ZNF679: variants seen among roughly 807,000 people sequenced by gnomAD.
ZNF679 encodes the protein zinc finger protein 679, also known as hypothetical protein MGC42415.
Under a neutral mutation model 13.4 loss-of-function variants are expected in ZNF679, and 10 were observed. The ratio of observed to expected loss-of-function variants is 0.75; its 90% CI spans 0.46 to 1.27. The LOEUF is 1.27. Ranked by LOEUF, ZNF679 falls within the 50% of genes most tolerant of loss-of-function variation. ZNF679 has a pLI of 0.00. For missense variants in ZNF679, 525 were observed against 477.8 expected (o/e 1.10, Z -0.92); for synonymous variants, 179 against 162.5 (o/e 1.10, Z -0.77).
At chr7:64,230,433 T>G (rs1787621227) in intron 1 of ZNF679, among the ~76,000 whole-genome samples, 1 of 150,050 alleles carries the variant, frequency 6.7e-6, no homozygotes, top group African/African-American at 2.5e-5. Context: ...CTGGGGAGGC[T>G]GAGGCAGGAG....
chr7:64,254,319 G>C (rs1431494913), intron 2 of ZNF679, among the ~76,000 whole-genome samples: 1 of 151,836 alleles, frequency 6.6e-6, no homozygotes, highest in African/African-American at 2.4e-5. Flanking sequence ...TTTTCTCCAT[G>C]TTGGCCAGGT....
intron 2 of ZNF679, among the ~76,000 whole-genome samples, chr7:64,252,836 G>A (rs1414527239): frequency 1.3e-5 from 2 of 152,188 alleles, no homozygotes; most frequent in Non-Finnish European, 2.9e-5. Context: ...TCTTGCCTCA[G>A]CCTCCCAGGT....
chr7:64,256,623 T>C (rs946667506), intron 2 of ZNF679, among the ~76,000 whole-genome samples: 3 of 152,044 alleles, frequency 2.0e-5, no homozygotes, highest in Non-Finnish European at 4.4e-5. Context: ...GAATTATTTC[T>C]TTTTTCTTCA....
intron 2 of ZNF679, among the ~76,000 whole-genome samples, chr7:64,252,153 T>C (rs948998053): frequency 3.9e-5 from 6 of 152,170 alleles, no homozygotes; most frequent in African/African-American, 1.2e-4. Context: ...ATGGTTGTCA[T>C]TGAGCATTTC....
intron 1 of ZNF679, among the ~76,000 whole-genome samples, chr7:64,234,111 C>T (rs775416638): frequency 7.2e-5 from 11 of 152,056 alleles, no homozygotes; most frequent in Non-Finnish European, 1.3e-4. Context: ...GTTCCAGATC[C>T]GGGCTGCCGT....
chr7:64,254,596 A>G (rs1027510206), intron 2 of ZNF679, among the ~76,000 whole-genome samples: 2 of 152,060 alleles, frequency 1.3e-5, no homozygotes, highest in Non-Finnish European at 2.9e-5. Flanking sequence ...TCTCTATCAA[A>G]TTATTGAACT....
At chr7:64,245,065 T>C (rs924091095) in intron 1 of ZNF679, among the ~76,000 whole-genome samples, 5 of 151,860 alleles carry the variant, frequency 3.3e-5, no homozygotes, top group African/African-American at 9.7e-5. Context: ...TTGCTCTGTC[T>C]CCCAGGCTGG....
chr7:64,257,432 C>T lies in ZNF679; in HGVS notation c.40-2789C>T, dbSNP rs557365930. On this transcript the variant is annotated intron_variant, in intron 2 of 4. Transcript: ENST00000421025. ...ATTGATTTATTGTTCTATATATTTTCTTTTAAAAATTAATGATAGAGAAAC... is the reference window on the plus strand; with the variant it reads ...ATTGATTTATTGTTCTATATATTTTTTTTTAAAAATTAATGATAGAGAAAC... Among the ~76,000 whole-genome samples the T allele has an allele frequency of 1.2e-4, 19 of 152,062 alleles. No homozygotes were observed. The South Asian group carries it at 3.9e-3, about 32-fold the overall frequency.
intron 2 of ZNF679, among the ~76,000 whole-genome samples, chr7:64,252,586 G>A (rs960195716): frequency 1.4e-4 from 22 of 152,278 alleles, no homozygotes; most frequent in East Asian, 5.8e-4. Context: ...TATGGCTGTC[G>A]GAAATGAATA....
chr7:64,230,452 G>A (rs1454429822), intron 1 of ZNF679, among the ~76,000 whole-genome samples: 3 of 150,930 alleles, frequency 2.0e-5, no homozygotes, highest in Non-Finnish European at 4.4e-5. Context: ...AGAATGGCGT[G>A]AACCCGGGAA....
At chr7:64,240,101 G>A (rs1172703475) in intron 1 of ZNF679, among the ~76,000 whole-genome samples, 1 of 152,162 alleles carries the variant, frequency 6.6e-6, no homozygotes, top group Admixed American at 6.6e-5. Context: ...TGCAAAGGGG[G>A]CATTGTGATA....
chr7:64,230,464 C>T (rs376071258), intron 1 of ZNF679, among the ~76,000 whole-genome samples: 21 of 148,634 alleles, frequency 1.4e-4, no homozygotes, highest in Admixed American at 4.8e-4. Context: ...ACCCGGGAAG[C>T]GGAGCTTGCA....
intron 4 of ZNF679, among the ~76,000 whole-genome samples, chr7:64,265,092 C>G (rs1439345237): frequency 6.6e-6 from 1 of 151,678 alleles, no homozygotes; most frequent in Non-Finnish European, 1.5e-5. Context: ...GTTGCTTTTT[C>G]AAAATTTTTG....
intron 1 of ZNF679, among the ~76,000 whole-genome samples, chr7:64,235,059 A>G (rs1787690024): frequency 6.6e-6 from 1 of 152,076 alleles, no homozygotes; most frequent in Admixed American, 6.6e-5. Flanking sequence ...GCTGGTCTTA[A>G]ACTCCTGACC....
intron 1 of ZNF679, among the ~76,000 whole-genome samples, chr7:64,235,386 T>C (rs1002455957): frequency 4.5e-4 from 67 of 148,636 alleles, no homozygotes; most frequent in African/African-American, 1.6e-3. Context: ...AAATTTATAG[T>C]GCTATATTGC....
chr7:64,232,817 C>A (rs1342250089), intron 1 of ZNF679, among the ~76,000 whole-genome samples: 2 of 152,146 alleles, frequency 1.3e-5, no homozygotes, highest in African/African-American at 2.4e-5. Flanking sequence ...GTCACATTAC[C>A]CATGTGATGG....
At chr7:64,261,648 C>T (rs908518118) in intron 4 of ZNF679, among the ~76,000 whole-genome samples, 7 of 151,956 alleles carry the variant, frequency 4.6e-5, no homozygotes, top group Non-Finnish European at 8.8e-5. Flanking sequence ...CTTACATAGA[C>T]TTCAATTTCT....
Position 64,263,863 on chromosome 7 carries a change from G to T in ZNF679, c.263-2033G>T, listed in dbSNP as rs542410237. On this transcript the variant is annotated intron_variant, in intron 4 of 4. Transcript: ENST00000421025. ...ACCCAGTCTCAGGTTATTTTCTATAGCAATGCAAAATGAATTCATACACTA... is the reference window on the plus strand; with the variant it reads ...ACCCAGTCTCAGGTTATTTTCTATATCAATGCAAAATGAATTCATACACTA... Among the ~76,000 whole-genome samples, 372 of 152,152 alleles carry T rather than the reference G, an allele frequency of 2.4e-3. 2 individuals carry two copies. The highest frequency in any genetic ancestry group is 8.7e-3 in the African/African-American group (362 of 41,520).
chr7:64,263,627 A>G (rs754574188), intron 4 of ZNF679, among the ~76,000 whole-genome samples: 1 of 152,150 alleles, frequency 6.6e-6, no homozygotes, highest in African/African-American at 2.4e-5. Context: ...TTCTCCCTCT[A>G]TTAATTCACA....
Sources: gnomAD v4.1 joint callset for allele counts (sites outside exome capture counted in the v4.1 genomes callset) on GRCh38, gnomAD v4.1.1 for gene constraint, MANE v1.5 for transcripts, NCBI Gene and HGNC (gene_info 2026-07-23, HGNC 2026-07-21) for gene names.